Variants in ZNF334 observed in about 807,000 individuals in gnomAD.
ZNF334 encodes zinc finger protein 334.
ZNF334 carries 14 observed loss-of-function variants against 12.4 expected under a neutral mutation model. The ratio of observed to expected loss-of-function variants is 1.13; its 90% CI spans 0.74 to 1.76. The LOEUF is 1.76. Ranked by LOEUF, ZNF334 falls within the 40% of genes most tolerant of loss-of-function variation. ZNF334 has a pLI of 0.00. For missense variants in ZNF334, 797 were observed against 804.5 expected, an observed-to-expected ratio of 0.99 and a Z score of 0.11; for synonymous variants, 273 against 269.6, an observed-to-expected ratio of 1.01 and a Z score of -0.12.
At chr20:46,491,973 A>G in the ZNF334 span, 1 of 153,196 alleles carries the variant, frequency 6.5e-6, no homozygotes, top group Non-Finnish European at 1.5e-5. Flanking sequence ...AAGAAAATCC[A>G]TACAGGAGAG....
At chr20:46,479,327 G>A in the ZNF334 span, among the ~76,000 whole-genome samples, 2 of 152,070 alleles carry the variant, frequency 1.3e-5, no homozygotes, top group Non-Finnish European at 2.9e-5. Context: ...TCAGGATTCT[G>A]TAAGCCAAAA....
Position 46,501,825 on chromosome 20 carries a change from C to T in ZNF334, c.1514G>A (p.Ser505Asn). 1 of 1,614,000 alleles carries T rather than the reference C, an allele frequency of 6.2e-7. No individual in the cohort carries two copies. Among genetic ancestry groups the T allele is most frequent in the Non-Finnish European group, 8.5e-7 (1 of 1,179,986 alleles). ...GRISIVKSNC[S>N]QCKRMNTKEN... ...CTTTGTGTTCATTCTCTTACACTGACTGCAGTTTGACTTCACAATGGAGAT... is the reference window on the plus strand; with the variant it reads ...CTTTGTGTTCATTCTCTTACACTGATTGCAGTTTGACTTCACAATGGAGAT... The change falls in exon 5 of 5, where the codon AGT becomes AAT. Residue 505 changes from serine (S) to asparagine (N), a missense_variant. Coordinates refer to ENST00000692313, the MANE Select transcript of ZNF334 (RefSeq NM_001353824.2).
the ZNF334 span, chr20:46,464,624 T>C: frequency 4.8e-6 from 2 of 420,246 alleles, no homozygotes; most frequent in African/African-American, 4.1e-5. Flanking sequence ...ATCACATGAC[T>C]CTCTGTGGAG....
At chr20:46,490,112 T>C in the ZNF334 span, among the ~76,000 whole-genome samples, 1 of 152,192 alleles carries the variant, frequency 6.6e-6, no homozygotes, top group Non-Finnish European at 1.5e-5. Context: ...TGGAAAATAA[T>C]GGTGTGTTCA....
At chr20:46,504,892 G>T in intron 2 of ZNF334, 152 bp from the exon 3 acceptor site, 2 of 589,810 alleles carry the variant, frequency 3.4e-6, no homozygotes, top group Non-Finnish European at 5.5e-6. Context: ...CTGTCACTGT[G>T]TTCATTTTTT....
intron 2 of ZNF334, among the ~76,000 whole-genome samples, chr20:46,506,951 A>G (rs1471587014): frequency 1.4e-5 from 2 of 139,136 alleles, no homozygotes; most frequent in Admixed American, 1.4e-4. Flanking sequence ...ATCTCTCAAA[A>G]AAATTTTTTT....
chr20:46,511,921 T>C (rs1601081879), intron 2 of ZNF334, among the ~76,000 whole-genome samples, 161 bp downstream of exon 2: 1 of 152,234 alleles, frequency 6.6e-6, no homozygotes, highest in African/African-American at 2.4e-5. Context: ...AGTAACTCTA[T>C]AGGAATATAT....
At chr20:46,476,413 T>C in the ZNF334 span, 1 of 152,194 alleles carries the variant, frequency 6.6e-6, no homozygotes, top group Non-Finnish European at 1.5e-5. Flanking sequence ...GAAGTAAAGC[T>C]AAGGAAATAT....
At chr20:46,480,734 A>G in the ZNF334 span, among the ~76,000 whole-genome samples, 7 of 152,170 alleles carry the variant, frequency 4.6e-5, no homozygotes, top group African/African-American at 1.7e-4. Context: ...GTGATGATCT[A>G]AGTTCCATAT....
intron 2 of ZNF334, among the ~76,000 whole-genome samples, chr20:46,510,995 G>A (rs539806879): frequency 6.6e-6 from 1 of 151,844 alleles, no homozygotes; most frequent in African/African-American, 2.4e-5. Flanking sequence ...AGACTCACAA[G>A]TTAAAACCAC....
intron 2 of ZNF334, among the ~76,000 whole-genome samples, chr20:46,510,699 A>C (rs987644926): frequency 1.0e-4 from 15 of 149,800 alleles, no homozygotes; most frequent in Non-Finnish European, 1.8e-4. Flanking sequence ...CAGAGTTTGC[A>C]GTGAGCTGAG....
At chr20:46,474,242 A>G in the ZNF334 span, among the ~76,000 whole-genome samples, 1 of 152,046 alleles carries the variant, frequency 6.6e-6, no homozygotes. Flanking sequence ...GTGTGGTGGC[A>G]TGTGCCTGTA....
rs1330163583 is a variant in ZNF334, at chr20:46,513,201, T to C, written c.-700A>G. 1 of 152,276 alleles carries C rather than the reference T, an allele frequency of 6.6e-6. No individual in the cohort carries two copies. Among genetic ancestry groups the C allele is most frequent in the Admixed American group, 6.5e-5 (1 of 15,278 alleles). The allele number at this position is 152,276 out of a possible 1,614,324, so 9.4% of individuals were successfully genotyped here. On this transcript the variant is annotated 5_prime_UTR_variant, in exon 1 of 5. Transcript: ENST00000692313. ...AGAAGTTCTGGAAAGAGGTTCTAGC[T>C]ACTTGGATGCGTAAACCTTTCACCT...
intron 2 of ZNF334, chr20:46,509,789 T>G: frequency 1.5e-6 from 1 of 647,724 alleles, no homozygotes; most frequent in East Asian, 2.7e-5. Context: ...TGGGTGGCAT[T>G]AACTAAGAGA....
At chr20:46,512,214 G>A (rs2061677507) in intron 1 of ZNF334, 74 bp from the exon 2 acceptor site, 8 of 1,099,002 alleles carry the variant, frequency 7.3e-6, no homozygotes, top group Non-Finnish European at 1.1e-5. Context: ...TACCTACAAA[G>A]CCACACACCC....
At chr20:46,469,366 GCTC>G in the ZNF334 span, among the ~76,000 whole-genome samples, 200 of 146,772 alleles carry the variant, frequency 1.4e-3, no homozygotes, top group Middle Eastern at 7.0e-3. Flanking sequence ...CCAGCCCTAT[GCTC>G]CTTTTTTTTT....
chr20:46,511,939 G>T, intron 2 of ZNF334, 143 bp downstream of exon 2: 1 of 743,576 alleles, frequency 1.3e-6, no homozygotes. Flanking sequence ...TATGATTTCT[G>T]TATATCTATG....
chr20:46,489,235 G>T, the ZNF334 span, among the ~76,000 whole-genome samples: 1 of 152,048 alleles, frequency 6.6e-6, no homozygotes, highest in African/African-American at 2.4e-5. Context: ...TTAATGGATG[G>T]TAGTACTTTC....
chr20:46,510,063 G>C (rs79082145), intron 2 of ZNF334, among the ~76,000 whole-genome samples: 2,503 of 152,268 alleles, frequency 0.016, 43 homozygotes, highest in Admixed American at 0.028. Flanking sequence ...TTGAATGAAA[G>C]GTCCAGAGTG....
Sources: gnomAD v4.1 joint callset for allele counts (sites outside exome capture counted in the v4.1 genomes callset) on GRCh38, gnomAD v4.1.1 for gene constraint, MANE v1.5 for transcripts, NCBI Gene and HGNC (gene_info 2026-07-23, HGNC 2026-07-21) for gene names.